Variants in PLCL1 observed in about 807,000 individuals in gnomAD.
PLCL1 encodes the protein inactive phospholipase C-like protein 1.
A neutral mutation model predicts 84.4 loss-of-function variants in PLCL1; 41 were observed. The ratio of observed to expected loss-of-function variants is 0.49; its 90% CI spans 0.38 to 0.63. The LOEUF is 0.63. Among genes scored for constraint, PLCL1 ranks in the 30% least tolerant of loss-of-function variants. The pLI, the probability that PLCL1 is intolerant of heterozygous loss-of-function variation, is 0.00. For missense variants in PLCL1, 1,206 were observed against 1,367.8 expected (o/e 0.88, Z 1.87); for synonymous variants, 490 against 488.3 (o/e 1.00, Z -0.05).
chr2:197,950,660 G>A (rs557779339), intron 1 of PLCL1, among the ~76,000 whole-genome samples: 3 of 152,040 alleles, frequency 2.0e-5, no homozygotes, highest in East Asian at 3.9e-4. Context: ...GTTTTTGGAG[G>A]AAATATTTAC....
At chr2:197,983,721 G>A (rs534759534) in intron 1 of PLCL1, among the ~76,000 whole-genome samples, 2 of 152,274 alleles carry the variant, frequency 1.3e-5, no homozygotes, top group East Asian at 3.9e-4. Flanking sequence ...TGTAGGGATC[G>A]AGTTAGAATT....
intron 1 of PLCL1, among the ~76,000 whole-genome samples, chr2:198,042,660 A>G (rs149279917): frequency 6.6e-6 from 1 of 152,340 alleles, no homozygotes; most frequent in African/African-American, 2.4e-5. Context: ...GGTAAAGACG[A>G]GTTCTGTCTT....
intron 1 of PLCL1, among the ~76,000 whole-genome samples, chr2:197,960,936 G>A (rs1689608002): frequency 6.6e-6 from 1 of 151,950 alleles, no homozygotes; most frequent in South Asian, 2.1e-4. Context: ...TCAGTTTCTT[G>A]GCAAATAGTA....
chr2:197,956,873 C>T lies in PLCL1; in HGVS notation c.241-126885C>T, dbSNP rs184150628. Among the ~76,000 whole-genome samples the T allele has an allele frequency of 3.9e-4, 60 of 152,154 alleles. No homozygotes were observed. In the East Asian group the frequency reaches 0.01, roughly 26 times the overall value. ...AATTTTCTCCCATTCTGTAGGTTGC[C>T]TGTTCACTCTGATGATAATTTTCTT... is the stretch of plus-strand genomic sequence containing the variant. On this transcript the variant is annotated intron_variant, in intron 1 of 5. Transcript: ENST00000428675.
At chr2:198,094,051 A>AT (rs1009396893) in intron 3 of PLCL1, among the ~76,000 whole-genome samples, 4 of 151,706 alleles carry the variant, frequency 2.6e-5, no homozygotes, top group Non-Finnish European at 2.9e-5. Context: ...CTTAAAAGTC[A>AT]TTTTTTTTCT....
intron 1 of PLCL1, among the ~76,000 whole-genome samples, chr2:197,995,768 G>T (rs1690448600): frequency 6.6e-6 from 1 of 152,168 alleles, no homozygotes; most frequent in Admixed American, 6.5e-5. Flanking sequence ...CACTTAATGG[G>T]GGGGCGTGTG....
At chr2:197,923,741 C>T (rs1249720328) in intron 1 of PLCL1, among the ~76,000 whole-genome samples, 1 of 152,126 alleles carries the variant, frequency 6.6e-6, no homozygotes, top group African/African-American at 2.4e-5. Context: ...ATGCTCCTCA[C>T]TTCCCAGACG....
At chr2:197,997,540 C>CA (rs1388162602) in intron 1 of PLCL1, among the ~76,000 whole-genome samples, 1 of 152,194 alleles carries the variant, frequency 6.6e-6, no homozygotes, top group Non-Finnish European at 1.5e-5. Context: ...ACAATTCACA[C>CA]CCAAAGAGGC....
At chr2:197,896,984 C>G (rs902266135) in intron 1 of PLCL1, among the ~76,000 whole-genome samples, 14 of 152,156 alleles carry the variant, frequency 9.2e-5, no homozygotes, top group Non-Finnish European at 1.5e-4. Flanking sequence ...GGGTTTATGA[C>G]AGACATGTCA....
intron 1 of PLCL1, chr2:197,810,300 A>G (rs1313255025): frequency 1.6e-6 from 2 of 1,268,486 alleles, no homozygotes; most frequent in East Asian, 5.6e-5. Flanking sequence ...GCACCTCTCA[A>G]GAAAATGAAG....
At chr2:198,091,175 A>G (rs1244229016) in intron 3 of PLCL1, among the ~76,000 whole-genome samples, 1 of 152,094 alleles carries the variant, frequency 6.6e-6, no homozygotes, top group East Asian at 1.9e-4. Context: ...ATGATTAAAA[A>G]CACCATTGAC....
At chr2:197,934,820 A>G in intron 1 of PLCL1, among the ~76,000 whole-genome samples, 1 of 152,216 alleles carries the variant, frequency 6.6e-6, no homozygotes, top group East Asian at 1.9e-4. Context: ...TCTGTACAGC[A>G]AAAGAAACTA....
intron 1 of PLCL1, among the ~76,000 whole-genome samples, chr2:198,061,759 C>G (rs1692209162): frequency 6.6e-6 from 1 of 152,072 alleles, no homozygotes; most frequent in African/African-American, 2.4e-5. Flanking sequence ...GCCACCACAC[C>G]TGGCTAATTT....
rs550517091 is a variant in PLCL1 at position 198,085,031 on chromosome 2, A to G, written c.1514A>G (p.Gln505Arg). The G allele has an allele frequency of 2.0e-5, 33 of 1,614,108 alleles. No individual in the cohort carries two copies. The change falls in exon 2 of 6, where the codon CAA becomes CGA. Residue 505 changes from glutamine to arginine, a missense_variant. Gln to Arg is a conservative substitution (Grantham distance 43). Transcript: ENST00000428675. The surrounding 1 kb of genome is among the most constrained non-coding windows in gnomAD (Gnocchi z 5.3). ...CSLPQQKVMAQQMKKVFGNKL... is the reference protein window; with the variant it reads ...CSLPQQKVMARQMKKVFGNKL... ...TTGCCGCAGCAGAAGGTAATGGCTC[A>G]ACAGATGAAAAAGGTCTTTGGCAAT...
intron 1 of PLCL1, among the ~76,000 whole-genome samples, chr2:198,048,709 G>A (rs779920636): frequency 6.6e-6 from 1 of 152,186 alleles, no homozygotes; most frequent in Non-Finnish European, 1.5e-5. Context: ...TGAGGGATCT[G>A]TCCCCATGAC....
At chr2:198,134,127 C>A (rs1306652808) in intron 5 of PLCL1, among the ~76,000 whole-genome samples, 1 of 152,024 alleles carries the variant, frequency 6.6e-6, no homozygotes, top group Admixed American at 6.6e-5. Context: ...GTTGAAAAAT[C>A]TTTAAATAAT....
At chr2:198,083,021 C>T (rs1436459071) in intron 1 of PLCL1, among the ~76,000 whole-genome samples, 1 of 152,154 alleles carries the variant, frequency 6.6e-6, no homozygotes, top group Non-Finnish European at 1.5e-5. Flanking sequence ...AATCTTCTGG[C>T]AAAGGGCTTT....
intron 1 of PLCL1, among the ~76,000 whole-genome samples, chr2:197,896,948 A>AT (rs983135106): frequency 1.3e-5 from 2 of 152,232 alleles, no homozygotes; most frequent in African/African-American, 4.8e-5. Flanking sequence ...TAGAAAGAAG[A>AT]TAAAAACCCC....
intron 1 of PLCL1, among the ~76,000 whole-genome samples, chr2:197,829,200 G>A (rs182799937): frequency 3.7e-4 from 57 of 152,294 alleles, no homozygotes; most frequent in Admixed American, 1.8e-3. Context: ...AGCTGTATGT[G>A]ATTGGGTAGA....
Sources: allele counts gnomAD v4.1 joint callset (sites outside exome capture counted in the v4.1 genomes callset), GRCh38; gene constraint gnomAD v4.1.1; non-coding constraint Gnocchi (gnomAD v3.1); transcripts MANE v1.5; gene names NCBI Gene and HGNC (gene_info 2026-07-23, HGNC 2026-07-21).